The following PLGRKT variants were observed in gnomAD, a reference collection of about 807,000 sequenced individuals.
PLGRKT encodes the protein plasminogen receptor with a C-terminal lysine.
PLGRKT carries 22 observed loss-of-function variants against 18.5 expected under a neutral mutation model. That is an observed-to-expected ratio of 1.19 (90% CI 0.85 to 1.70). The LOEUF is 1.70. Among genes scored for constraint, PLGRKT ranks in the 40% most tolerant of loss-of-function variants. The pLI is 0.00. For synonymous variants in PLGRKT, 72 were observed against 52.8 expected, an observed-to-expected ratio of 1.36 and a Z score of -1.58; for missense variants, 235 against 174.4, an observed-to-expected ratio of 1.35 and a Z score of -1.96.
chr9:5,419,677 T>C (rs1325062666), intron 3 of PLGRKT, among the ~76,000 whole-genome samples: 1 of 150,478 alleles, frequency 6.6e-6, no homozygotes, highest in African/African-American at 2.4e-5. Flanking sequence ...ATTTCAAAAC[T>C]ACCAGATGAC....
At chr9:5,361,973 C>T in intron 3 of PLGRKT, 85 bp from the exon 4 acceptor site, 10 of 1,312,102 alleles carry the variant, frequency 7.6e-6, no homozygotes, top group Non-Finnish European at 1.1e-5. Flanking sequence ...CCAGCGGATT[C>T]ATTCTTCAAT....
chr9:5,380,862 C>G (rs1184558410), intron 3 of PLGRKT, among the ~76,000 whole-genome samples: 1 of 152,130 alleles, frequency 6.6e-6, no homozygotes, highest in Non-Finnish European at 1.5e-5. Flanking sequence ...ATTGTAATCC[C>G]TATGTATAGA....
At chr9:5,409,702 G>C (rs1818325203) in intron 3 of PLGRKT, among the ~76,000 whole-genome samples, 1 of 152,174 alleles carries the variant, frequency 6.6e-6, no homozygotes, top group Non-Finnish European at 1.5e-5. Context: ...CCTCACACCA[G>C]TGTGCGCTGG....
chr9:5,358,708 C>A (rs191479366), intron 5 of PLGRKT, among the ~76,000 whole-genome samples: 160 of 152,220 alleles, frequency 1.1e-3, no homozygotes, highest in African/African-American at 3.7e-3. Context: ...TTCCCATTGT[C>A]CTTTAATATA....
rs908858136 is a variant in PLGRKT, at chr9:5,437,868, G to C, written c.-212C>G. The C allele has an allele frequency of 6.6e-6, 1 of 152,250 alleles. No homozygotes were observed. Among genetic ancestry groups the C allele is most frequent in the Non-Finnish European group, 1.5e-5 (1 of 68,058 alleles). 9.4% of individuals were successfully genotyped at this position (152,250 alleles called of 1,614,324 possible). ...GCTCCTTTCGCCCGCTGCAGGGACCGGGCCTCGCTCCGCCCAGCGTCGGGA... is the reference window on the plus strand; with the variant it reads ...GCTCCTTTCGCCCGCTGCAGGGACCCGGCCTCGCTCCGCCCAGCGTCGGGA... On this transcript the variant is annotated 5_prime_UTR_variant, in exon 1 of 6. Coordinates refer to ENST00000223864, the MANE Select transcript of PLGRKT (RefSeq NM_018465.4).
At chr9:5,423,587 G>A (rs1028890306) in intron 3 of PLGRKT, among the ~76,000 whole-genome samples, 1 of 152,018 alleles carries the variant, frequency 6.6e-6, no homozygotes, top group Non-Finnish European at 1.5e-5. Context: ...TGCAGCATTT[G>A]ACACCGTTGA....
intron 3 of PLGRKT, among the ~76,000 whole-genome samples, chr9:5,381,597 C>A (rs758452942): frequency 5.3e-5 from 8 of 152,232 alleles, no homozygotes; most frequent in Non-Finnish European, 1.2e-4. Flanking sequence ...GAGAAAGTTA[C>A]ATAAAATGGG....
chr9:5,406,095 A>G (rs1413732895), intron 3 of PLGRKT, among the ~76,000 whole-genome samples: 1 of 152,248 alleles, frequency 6.6e-6, no homozygotes, highest in Non-Finnish European at 1.5e-5. Flanking sequence ...AAATTATTAA[A>G]AAATCAAGAA....
chr9:5,409,507 C>T (rs1300019314), intron 3 of PLGRKT, among the ~76,000 whole-genome samples: 2 of 152,116 alleles, frequency 1.3e-5, no homozygotes, highest in Admixed American at 6.5e-5. Context: ...ATCTTGTGAT[C>T]GTGTGAGTTA....
At chr9:5,420,761 T>C (rs1430575591) in intron 3 of PLGRKT, among the ~76,000 whole-genome samples, 1 of 152,110 alleles carries the variant, frequency 6.6e-6, no homozygotes, top group African/African-American at 2.4e-5. Context: ...ACCAAAAGCC[T>C]CTCTAAAAGC....
At chr9:5,424,392 AAACAT>A (rs1280721605) in intron 3 of PLGRKT, among the ~76,000 whole-genome samples, 1 of 131,384 alleles carries the variant, frequency 7.6e-6, no homozygotes. Flanking sequence ...ACATATTATA[AAACAT>A]AATATATTAT....
chr9:5,422,028 A>C (rs1818585636), intron 3 of PLGRKT, among the ~76,000 whole-genome samples: 1 of 152,000 alleles, frequency 6.6e-6, no homozygotes, highest in East Asian at 1.9e-4. Flanking sequence ...TCAAGCATTT[A>C]TTTTGTTTCC....
At chr9:5,400,960 G>C (rs1439894832) in intron 3 of PLGRKT, among the ~76,000 whole-genome samples, 1 of 151,874 alleles carries the variant, frequency 6.6e-6, no homozygotes, top group African/African-American at 2.4e-5. Flanking sequence ...GGGGTGTTGG[G>C]AAACTTTATC....
At chr9:5,412,855 A>C (rs1194213337) in intron 3 of PLGRKT, among the ~76,000 whole-genome samples, 2 of 152,198 alleles carry the variant, frequency 1.3e-5, no homozygotes, top group African/African-American at 4.8e-5. Context: ...TATTAGGAAG[A>C]TATATCCATA....
chr9:5,437,153 G>C (rs1160519472), intron 1 of PLGRKT, among the ~76,000 whole-genome samples: 4 of 152,148 alleles, frequency 2.6e-5, no homozygotes, highest in African/African-American at 9.7e-5. Flanking sequence ...ATTACTATGG[G>C]AAGGTGTATT....
intron 3 of PLGRKT, among the ~76,000 whole-genome samples, chr9:5,367,125 T>C (rs1431457588): frequency 6.6e-6 from 1 of 151,136 alleles, no homozygotes. Flanking sequence ...CATTCCACGC[T>C]CATGAATTGG....
chr9:5,379,222 C>T (rs1817689311), intron 3 of PLGRKT, among the ~76,000 whole-genome samples: 1 of 152,028 alleles, frequency 6.6e-6, no homozygotes, highest in African/African-American at 2.4e-5. Context: ...ATATAATACC[C>T]AGGAAGAAAT....
At chr9:5,437,001 A>G (rs925783686) in intron 1 of PLGRKT, among the ~76,000 whole-genome samples, 12 of 152,328 alleles carry the variant, frequency 7.9e-5, no homozygotes, top group Admixed American at 5.9e-4. Flanking sequence ...TACTTATACA[A>G]TTTTAAACAT....
intron 3 of PLGRKT, among the ~76,000 whole-genome samples, chr9:5,368,222 C>T (rs906916306): frequency 1.2e-4 from 18 of 152,114 alleles, no homozygotes; most frequent in Non-Finnish European, 2.6e-4. Flanking sequence ...CCAGCAATCC[C>T]ATTACTGGGT....
Sources: gnomAD v4.1 joint callset for allele counts (sites outside exome capture counted in the v4.1 genomes callset) on GRCh38, gnomAD v4.1.1 for gene constraint, MANE v1.5 for transcripts, NCBI Gene and HGNC (gene_info 2026-07-23, HGNC 2026-07-21) for gene names.